Variants in ZNF823 observed in about 807,000 individuals in gnomAD.
ZNF823 encodes ZFP 36 for a zinc finger protein.
ZNF823 carries 5 observed loss-of-function variants against 11.4 expected under a neutral mutation model. The observed-to-expected ratio is 0.44, with a 90% CI of 0.23 to 0.92. The LOEUF is 0.92. Among genes scored for constraint, ZNF823 ranks in the 40% least tolerant of loss-of-function variants. ZNF823 has a pLI of 0.24. For synonymous variants in ZNF823, 234 were observed against 250.5 expected, an observed-to-expected ratio of 0.93 and a Z score of 0.62; for missense variants, 582 against 738.5, an observed-to-expected ratio of 0.79 and a Z score of 2.46.
chr19:11,721,579 T>TA lies in ZNF823; in HGVS notation c.*121dup, dbSNP rs572426043. The TA allele has an allele frequency of 1.6e-4, 160 of 994,636 alleles. 3 individuals are homozygous for TA. In the South Asian group the frequency reaches 2.6e-3, roughly 16 times the overall value. 61.6% of individuals were successfully genotyped at this position (994,636 alleles called of 1,614,324 possible). On this transcript the variant is annotated 3_prime_UTR_variant, in exon 4 of 4. Transcript: ENST00000341191. ...CAATATATTGGGGGATAACTGTATT[T>TA]AAAAAAATTGAAACTACTTAAGGCT...
chr19:11,737,093 TG>T (rs1050060243), intron 1 of ZNF823, among the ~76,000 whole-genome samples: 4 of 152,146 alleles, frequency 2.6e-5, no homozygotes, highest in African/African-American at 4.8e-5. Context: ...TTAGCAGCTA[TG>T]AGCATCTTGG....
At chr19:11,723,416 A>G in intron 3 of ZNF823, 74 bp from the exon 4 acceptor site, 2 of 1,249,326 alleles carry the variant, frequency 1.6e-6, no homozygotes, top group Non-Finnish European at 2.2e-6. Context: ...TACTAGATTT[A>G]TATTTGTAAC....
Position 11,724,190 on chromosome 19 carries a change from T to G in ZNF823, c.191+4A>C. ...CATAGCTTTCTTTTGTGGGTGCAAA[T>G]TACCTTAGATTTCTCTTGGCATTTT... On this transcript the variant is annotated splice_donor_region_variant and intron_variant, in intron 3 of 3. Coordinates refer to ENST00000341191, the MANE Select transcript of ZNF823 (RefSeq NM_001080493.4). 1 of 1,605,398 alleles carries G rather than the reference T, an allele frequency of 6.2e-7. No homozygotes were observed. The highest frequency in any genetic ancestry group is 8.5e-7 in the Non-Finnish European group (1 of 1,175,842).
intron 1 of ZNF823, among the ~76,000 whole-genome samples, chr19:11,726,696 T>C (rs957775876): frequency 6.6e-6 from 1 of 152,134 alleles, no homozygotes; most frequent in East Asian, 1.9e-4. Context: ...GCCTTGACCT[T>C]GGGCTTCTCA....
At position 11,722,080 on chromosome 19, in the gene ZNF823, T is replaced by G. The variant is rs1479953506; in HGVS notation, c.1454A>C (p.Tyr485Ser). ...ECGKAFSCFK[Y>S]LSQHKRTHTV... ...GTGGGTCCTTTTATGTTGAGAAAGG[T>G]ATTTGAAACAACTGAATGCTTTCCC... The change falls in exon 4 of 4, where the codon TAC (tyrosine) becomes TCC (serine). Residue 485 changes from tyrosine (Y) to serine (S), a missense_variant. Tyr to Ser is a moderately radical substitution (Grantham distance 144, BLOSUM62 -2). Around this residue, in one of 3 missense-constraint regions of ZNF823, gnomAD observed 144 missense variants for 154.3 expected, o/e 0.93. Transcript: ENST00000341191. This position sits in a 1 kb window ranked among gnomAD's most constrained non-coding sequence, Gnocchi z 5.2. The G allele has an allele frequency of 1.9e-6, 3 of 1,611,190 alleles. No individual in the cohort carries two copies. The highest frequency in any genetic ancestry group is 3.4e-5 in the Admixed American group (2 of 59,442).
At chr19:11,723,554 C>CT (rs1240121807) in intron 3 of ZNF823, among the ~76,000 whole-genome samples, 2 of 151,712 alleles carry the variant, frequency 1.3e-5, no homozygotes, top group South Asian at 2.1e-4. Flanking sequence ...TTCTTTCTTT[C>CT]TTTTTTTTGA....
At position 11,722,257 on chromosome 19, in the gene ZNF823, C is replaced by A. The variant is rs765833893; in HGVS notation, c.1277G>T (p.Ser426Ile). The part of the protein sequence containing the change: ...YQCKQCGKAF[S>I]LAGSLRRHEA... ...ATGTCTTCGAAGGGAACCGGCAAGACTGAAGGCTTTACCACATTGTTTACA... is the reference window on the plus strand; with the variant it reads ...ATGTCTTCGAAGGGAACCGGCAAGAATGAAGGCTTTACCACATTGTTTACA... Residue 426 changes from serine (S) to isoleucine (I), a missense_variant, in exon 4 of 4, where the codon AGT becomes ATT. Physicochemically the swap from Ser to Ile is moderately radical, Grantham distance 142. Transcript: ENST00000341191. This position sits in a 1 kb window ranked among gnomAD's most constrained non-coding sequence, Gnocchi z 5.2. 1.3e-5 allele frequency: 21 copies of A among 1,613,498 alleles called. No homozygotes were observed. In the South Asian group the frequency reaches 2.3e-4, roughly 18 times the overall value.
rs1179247314 is a variant in ZNF823 at position 11,721,625 on chromosome 19, T to C, written c.*76A>G. On this transcript the variant is annotated 3_prime_UTR_variant, in exon 4 of 4. Coordinates refer to ENST00000341191, the MANE Select transcript of ZNF823 (RefSeq NM_001080493.4). ...AGGCTTTATCCCATGTTTACATTCA[T>C]AGGGTCTATCTCCAAAGTGAGTTCT... 6 of 1,393,212 alleles carry C rather than the reference T, an allele frequency of 4.3e-6. No individual in the cohort carries two copies. In the Admixed American group the frequency reaches 1.4e-4, roughly 33 times the overall value. The allele number at this position is 1,393,212 out of a possible 1,614,324, so 86.3% of individuals were successfully genotyped here. A position where few individuals can be genotyped will look rare whatever the true frequency, so the allele number is the denominator to read the frequency against.
chr19:11,728,812 T>C (rs954906962), intron 1 of ZNF823, among the ~76,000 whole-genome samples: 1 of 150,430 alleles, frequency 6.6e-6, no homozygotes, highest in Non-Finnish European at 1.5e-5. Context: ...ATTATGTCAA[T>C]ACCACTTTGA....
At position 11,722,051 on chromosome 19, in the gene ZNF823, CTG is replaced by C. The variant is rs1974692364; in HGVS notation, c.1481_1482del (p.Thr494SerfsTer6). On this transcript the variant is annotated frameshift_variant, in exon 4 of 4. Coordinates refer to ENST00000341191, the MANE Select transcript of ZNF823 (RefSeq NM_001080493.4). LOFTEE classifies it low-confidence loss of function (END_TRUNC). This position sits in a 1 kb window ranked among gnomAD's most constrained non-coding sequence, Gnocchi z 5.2. ...KYLSQHKRTH[T>X]VEKPYECKTC... ...GTTTTACACTCATAAGGTTTTTCTA[CTG>C]TGTGGGTCCTTTTATGTTGAGAAAG... The C allele has an allele frequency of 6.2e-7, 1 of 1,612,440 alleles. No individual in the cohort carries two copies. The highest frequency in any genetic ancestry group is 8.5e-7 in the Non-Finnish European group (1 of 1,179,672).
At chr19:11,738,696 G>C in intron 1 of ZNF823, 121 bp downstream of exon 1, 6 of 1,298,630 alleles carry the variant, frequency 4.6e-6, no homozygotes, top group Non-Finnish European at 6.2e-6. Context: ...TGCGCCAGGG[G>C]CACTGGGATT....
intron 1 of ZNF823, among the ~76,000 whole-genome samples, chr19:11,727,214 G>A (rs1974806586): frequency 6.6e-6 from 1 of 151,898 alleles, no homozygotes. Context: ...ATCTGAAAAG[G>A]TTAAAAACCT....
In ZNF823 at chr19:11,722,926, C is replaced by T. The variant is rs1401810994; in HGVS notation, c.608G>A (p.Trp203Ter). The change falls in exon 4 of 4, where the codon TGG becomes TAG. Residue 203 changes from tryptophan (W) to a stop codon, truncating the protein, a stop_gained. Coordinates refer to ENST00000341191, the MANE Select transcript of ZNF823 (RefSeq NM_001080493.4). LOFTEE classifies it low-confidence loss of function (END_TRUNC). The surrounding 1 kb of genome is among the most constrained non-coding windows in gnomAD (Gnocchi z 5.2). ...TTCGTGCAAATGAAATAAACTGGGC[C>T]AAACAAAGGCTTTCCCACACAACTT... ...KCKLCGKAFV[W>*]PSLFHLHERT... The T allele has an allele frequency of 6.2e-7, 1 of 1,614,022 alleles. No homozygotes were observed. Among genetic ancestry groups the T allele is most frequent in the African/African-American group, 1.3e-5 (1 of 74,922 alleles).
intron 1 of ZNF823, among the ~76,000 whole-genome samples, chr19:11,731,055 G>A (rs1391166121): frequency 6.6e-6 from 1 of 151,098 alleles, no homozygotes; most frequent in Non-Finnish European, 1.5e-5. Flanking sequence ...GCTCACGCCT[G>A]TAATCCCAGC....
chr19:11,729,694 G>A (rs1974857736), intron 1 of ZNF823, among the ~76,000 whole-genome samples: 1 of 152,008 alleles, frequency 6.6e-6, no homozygotes, highest in Non-Finnish European at 1.5e-5. Context: ...GATTATTTTG[G>A]CAGTGGCTAT....
chr19:11,729,792 G>A (rs958719795), intron 1 of ZNF823, among the ~76,000 whole-genome samples: 1 of 152,090 alleles, frequency 6.6e-6, no homozygotes, highest in African/African-American at 2.4e-5. Context: ...ACGGAAACTT[G>A]GTCACTGGTC....
Position 11,722,034 on chromosome 19 carries a change from C to G in ZNF823, c.1500G>C (p.Glu500Asp), listed in dbSNP as rs762781141. ...TGAAGGCTTTTCTACATGTTTTACA[C>G]TCATAAGGTTTTTCTACTGTGTGGG... The part of the protein sequence containing the change: ...KRTHTVEKPY[E>D]CKTCRKAFSH... The change falls in exon 4 of 4, where the codon GAG becomes GAC. Residue 500 changes from glutamate (E) to aspartate (D), a missense_variant. Around this residue, in one of 3 missense-constraint regions of ZNF823, gnomAD observed 144 missense variants for 154.3 expected, o/e 0.93. Transcript: ENST00000341191. This position sits in a 1 kb window ranked among gnomAD's most constrained non-coding sequence, Gnocchi z 5.2. 1.2e-6 allele frequency: 2 copies of G among 1,613,614 alleles called. No individual in the cohort carries two copies. Among genetic ancestry groups the G allele is most frequent in the Non-Finnish European group, 1.7e-6 (2 of 1,179,924 alleles).
chr19:11,722,250 G>A lies in ZNF823; in HGVS notation c.1284C>T (p.Ala428=), dbSNP rs774840706. The A allele has an allele frequency of 1.9e-5, 30 of 1,613,704 alleles. No individual in the cohort carries two copies. The highest frequency in any genetic ancestry group is 1.6e-4 in the Middle Eastern group (1 of 6,084). The change falls in exon 4 of 4, where the codon GCC becomes GCT. Residue 428 remains alanine, a synonymous_variant. Transcript: ENST00000341191. This position sits in a 1 kb window ranked among gnomAD's most constrained non-coding sequence, Gnocchi z 5.2. ...CKQCGKAFSL[A]GSLRRHEATH... The stretch of plus-strand genomic sequence containing the variant: ...TTGCTTCATGTCTTCGAAGGGAACC[G>A]GCAAGACTGAAGGCTTTACCACATT...
chr19:11,731,847 T>C (rs1010559972), intron 1 of ZNF823, among the ~76,000 whole-genome samples: 4 of 151,752 alleles, frequency 2.6e-5, no homozygotes, highest in Admixed American at 6.6e-5. Context: ...CCACCTCTAC[T>C]AAAAATGCAA....
Sources: gnomAD v4.1 joint callset for allele counts (sites outside exome capture counted in the v4.1 genomes callset) on GRCh38, gnomAD v4.1.1 for gene constraint, gnomAD v4.1.1 regional missense constraint, Gnocchi (gnomAD v3.1) non-coding constraint, MANE v1.5 for transcripts, NCBI Gene and HGNC (gene_info 2026-07-23, HGNC 2026-07-21) for gene names.